The following RASAL2 variants were observed in gnomAD, a reference collection of about 807,000 sequenced individuals.
RASAL2 encodes ras GTPase-activating protein nGAP.
RASAL2 carries 58 observed loss-of-function variants against 128.9 expected under a neutral mutation model. The observed-to-expected ratio is 0.45, with a 90% CI of 0.36 to 0.56. The LOEUF is 0.56. Among genes scored for constraint, RASAL2 ranks in the 20% least tolerant of loss-of-function variants. The pLI is 0.00. For synonymous variants in RASAL2, 561 were observed against 580.8 expected (o/e 0.97, Z 0.49); for missense variants, 1,360 against 1,601.6 (o/e 0.85, Z 2.57).
At position 178,464,567 on chromosome 1, in the gene RASAL2, G is replaced by GGTGTGT. The variant is rs58822651; in HGVS notation, c.3387+183_3387+188dup. On this transcript the variant is annotated intron_variant, in intron 15 of 17. Transcript: ENST00000367649. ...ACATATCTATGTAAAATAGGTCAGT[G>GGTGTGT]GTGTGTGTGTGTGTGTGTGTGTGTG... Among the ~76,000 whole-genome samples, 1,257 of 145,110 alleles carry GGTGTGT rather than the reference G, an allele frequency of 8.7e-3. 12 individuals are homozygous for GGTGTGT. The highest frequency in any genetic ancestry group is 0.011 in the Non-Finnish European group (744 of 65,822).
chr1:178,382,089 A>G (rs531730917), intron 3 of RASAL2, among the ~76,000 whole-genome samples: 13 of 152,300 alleles, frequency 8.5e-5, no homozygotes, highest in African/African-American at 2.9e-4. Context: ...TTCATCTCAT[A>G]CAACTTATCT....
chr1:178,216,589 T>G (rs1050337738), intron 1 of RASAL2, among the ~76,000 whole-genome samples: 1 of 152,252 alleles, frequency 6.6e-6, no homozygotes, highest in African/African-American at 2.4e-5. Context: ...ATCTAATGTT[T>G]TTTTGGTTGC....
chr1:178,420,369 T>TTTACAAAATTAAAA (rs1313834785), intron 4 of RASAL2, 142 bp from the exon 5 acceptor site: 1 of 495,960 alleles, frequency 2.0e-6, no homozygotes, highest in African/African-American at 2.0e-5. Context: ...GTGACTATTA[T>TTTACAAAATTAAAA]TTACAAAATT....
intron 1 of RASAL2, among the ~76,000 whole-genome samples, chr1:178,197,093 C>G (rs931628277): frequency 1.3e-5 from 2 of 152,170 alleles, no homozygotes; most frequent in African/African-American, 2.4e-5. Flanking sequence ...GTGGACAGAT[C>G]ACTTGAGTTC....
At chr1:178,242,697 C>G (rs1287344775) in intron 1 of RASAL2, among the ~76,000 whole-genome samples, 1 of 152,022 alleles carries the variant, frequency 6.6e-6, no homozygotes, top group Non-Finnish European at 1.5e-5. Context: ...ACTTTCTTCT[C>G]TCCTAGATCT....
At chr1:178,122,992 C>T (rs1358274018) in intron 1 of RASAL2, 2 of 152,074 alleles carry the variant, frequency 1.3e-5, no homozygotes, top group Non-Finnish European at 1.5e-5. Flanking sequence ...TTCATGATAA[C>T]GCTATATAAT....
At chr1:178,164,636 A>G (rs775248045) in intron 1 of RASAL2, among the ~76,000 whole-genome samples, 1 of 151,968 alleles carries the variant, frequency 6.6e-6, no homozygotes, top group Admixed American at 6.6e-5. Context: ...TCTCTGTTTT[A>G]AAGAAGGCAG....
At chr1:178,445,082 T>C (rs1056155748) in intron 8 of RASAL2, among the ~76,000 whole-genome samples, 2 of 148,980 alleles carry the variant, frequency 1.3e-5, no homozygotes, top group Admixed American at 1.3e-4. Flanking sequence ...AGGAATGAGC[T>C]ACCTGACAGT....
At chr1:178,175,205 A>T (rs2101918060) in intron 1 of RASAL2, among the ~76,000 whole-genome samples, 1 of 152,166 alleles carries the variant, frequency 6.6e-6, no homozygotes, top group Admixed American at 6.6e-5. Context: ...CTTATAGTTA[A>T]GTTATGGGAA....
intron 3 of RASAL2, among the ~76,000 whole-genome samples, chr1:178,305,763 T>A (rs572345608): frequency 1.3e-5 from 2 of 152,260 alleles, no homozygotes; most frequent in South Asian, 4.1e-4. Flanking sequence ...AGATACAAAT[T>A]GCAAGCCTTT....
At chr1:178,324,683 A>C (rs1479416383) in intron 3 of RASAL2, among the ~76,000 whole-genome samples, 1 of 152,160 alleles carries the variant, frequency 6.6e-6, no homozygotes, top group East Asian at 1.9e-4. Context: ...AGTAATTCAG[A>C]TAAATTGAGC....
chr1:178,464,272 A>T lies in RASAL2; in HGVS notation c.3253-6A>T, dbSNP rs778513560. On this transcript the variant is annotated splice_polypyrimidine_tract_variant and splice_region_variant and intron_variant, in intron 14 of 17. Transcript: ENST00000367649. ...GGGGAAATGCTAATAACTGTTTCTGATGCAGGTTCAGTCACCTGTGGACTC... is the reference window on the plus strand; with the variant it reads ...GGGGAAATGCTAATAACTGTTTCTGTTGCAGGTTCAGTCACCTGTGGACTC... The T allele has an allele frequency of 6.1e-5, 98 of 1,604,426 alleles. No individual in the cohort carries two copies. The highest frequency in any genetic ancestry group is 1.7e-5 in the Admixed American group (1 of 58,992).
intron 1 of RASAL2, among the ~76,000 whole-genome samples, chr1:178,191,369 A>G (rs1049819464): frequency 1.3e-5 from 2 of 152,168 alleles, no homozygotes; most frequent in African/African-American, 2.4e-5. Context: ...ACACATACAA[A>G]AACAAGCCAT....
At position 178,321,817 on chromosome 1, in the gene RASAL2, C is replaced by T. The variant is rs535674558; in HGVS notation, c.457+21699C>T. 5.7e-4 allele frequency among the ~76,000 whole-genome samples: 86 copies of T among 151,768 alleles called. 1 individual carries two copies. The South Asian group carries it at 0.016, about 28-fold the overall frequency. On this transcript the variant is annotated intron_variant, in intron 3 of 17. Coordinates refer to ENST00000367649, the MANE Select transcript of RASAL2 (RefSeq NM_170692.4). Reference sequence around the variant, plus strand: ...CAGCCTGACCAACATGGTGAAACCCCGTCTCTACTAAAAATACAAAATTAG... The same window carrying T: ...CAGCCTGACCAACATGGTGAAACCCTGTCTCTACTAAAAATACAAAATTAG...
rs566633375 is a variant in RASAL2, at chr1:178,125,634, C to T, written c.202+30940C>T. The T allele has an allele frequency of 4.6e-5, 7 of 152,276 alleles. No individual in the cohort carries two copies. The South Asian group carries it at 1.0e-3, about 23-fold the overall frequency. 9.4% of individuals were successfully genotyped at this position (152,276 alleles called of 1,614,324 possible). A position where few individuals can be genotyped will look rare whatever the true frequency, so the allele number is the denominator to read the frequency against. ...TCGATGTGATATTTTAAGTAGCTTA[C>T]AATTACATTGACAAGGCTTCTGCTT... On this transcript the variant is annotated intron_variant, in intron 1 of 17. Transcript: ENST00000367649.
At chr1:178,191,366 C>G (rs12081221) in intron 1 of RASAL2, among the ~76,000 whole-genome samples, 16,544 of 150,770 alleles carry the variant, frequency 0.11, 1,141 homozygotes, top group African/African-American at 0.19. Context: ...AAAACACATA[C>G]AAAAACAAGC....
At chr1:178,456,405 G>A in intron 12 of RASAL2, 1 of 396,838 alleles carries the variant, frequency 2.5e-6, no homozygotes, top group Non-Finnish European at 4.7e-6. Flanking sequence ...TGCTTCGCAT[G>A]CCTATTTTAG....
At chr1:178,356,168 C>G (rs1261541580) in intron 3 of RASAL2, among the ~76,000 whole-genome samples, 1 of 106,518 alleles carries the variant, frequency 9.4e-6, no homozygotes, top group African/African-American at 5.4e-5. Context: ...AAGACTCTGT[C>G]TCAAAAAAAA....
Position 178,458,510 on chromosome 1 carries a change from A to G in RASAL2, c.3218A>G (p.Lys1073Arg). 1 of 1,613,158 alleles carries G rather than the reference A, an allele frequency of 6.2e-7. No homozygotes were observed. The highest frequency in any genetic ancestry group is 8.5e-7 in the Non-Finnish European group (1 of 1,179,554). The change falls in exon 14 of 18, where the codon AAA (lysine) becomes AGA (arginine). Residue 1073 changes from lysine to arginine, a missense_variant. By Grantham distance (26) the Lys-to-Arg change is conservative. Around this residue, in one of 3 missense-constraint regions of RASAL2, gnomAD observed 741 missense variants for 868.6 expected, o/e 0.85. Coordinates refer to ENST00000367649, the MANE Select transcript of RASAL2 (RefSeq NM_170692.4). ...SSSSRESPVPKVRAIQRQQTQ... is the reference protein window; with the variant it reads ...SSSSRESPVPRVRAIQRQQTQ... The stretch of plus-strand genomic sequence containing the variant: ...TCCTCCAGAGAGAGCCCTGTTCCCA[A>G]AGTTAGAGCAATCCAGAGACAACAG...
Sources: allele counts gnomAD v4.1 joint callset (sites outside exome capture counted in the v4.1 genomes callset), GRCh38; gene constraint gnomAD v4.1.1; regional missense constraint gnomAD v4.1.1; transcripts MANE v1.5; gene names NCBI Gene and HGNC (gene_info 2026-07-23, HGNC 2026-07-21).